The following GRM5 variants were observed in gnomAD, a reference collection of about 807,000 sequenced individuals.
GRM5 encodes the protein glutamate metabotropic receptor 5.
A neutral mutation model predicts 83.1 loss-of-function variants in GRM5; 19 were observed. The observed-to-expected ratio is 0.23, with a 90% CI of 0.16 to 0.34. The LOEUF (loss-of-function observed/expected upper bound fraction) is 0.34, where lower values mean the gene tolerates loss of function less well. GRM5 is among the 10% of genes least tolerant of loss of function. The probability of loss-of-function intolerance (pLI) is 1.00; values close to 1 mark genes in which losing one functional copy is unlikely to be tolerated. For synonymous variants in GRM5, 675 were observed against 633.6 expected (o/e 1.07, Z -0.98); for missense variants, 1,160 against 1,588.3 (o/e 0.73, Z 4.58).
At chr11:89,021,398 C>T (rs1277755106) in intron 2 of GRM5, among the ~76,000 whole-genome samples, 1 of 152,136 alleles carries the variant, frequency 6.6e-6, no homozygotes, top group Non-Finnish European at 1.5e-5. Context: ...TAACTGCTTC[C>T]TTAATCCTAT....
At chr11:88,537,195 G>T (rs540654311) in intron 8 of GRM5, among the ~76,000 whole-genome samples, 18 of 152,144 alleles carry the variant, frequency 1.2e-4, no homozygotes, top group Non-Finnish European at 2.5e-4. Context: ...ACTTAGTGGA[G>T]CTAGGCTTTG....
At chr11:89,039,757 T>A (rs1436405803) in intron 2 of GRM5, among the ~76,000 whole-genome samples, 2 of 152,300 alleles carry the variant, frequency 1.3e-5, no homozygotes, top group Admixed American at 6.5e-5. Context: ...TCTGAGGATA[T>A]GATTTCAAAT....
chr11:88,929,571 G>A (rs1937642556), intron 2 of GRM5, among the ~76,000 whole-genome samples: 1 of 151,992 alleles, frequency 6.6e-6, no homozygotes, highest in East Asian at 1.9e-4. Context: ...AACAGAATTT[G>A]GGTTTCTTAA....
At chr11:88,953,255 A>C (rs1436161545) in intron 2 of GRM5, among the ~76,000 whole-genome samples, 1 of 152,076 alleles carries the variant, frequency 6.6e-6, no homozygotes, top group Non-Finnish European at 1.5e-5. Context: ...TTAAAAATTC[A>C]TGCATTCATT....
chr11:88,946,747 T>C (rs1239608989), intron 2 of GRM5, among the ~76,000 whole-genome samples: 3 of 152,102 alleles, frequency 2.0e-5, no homozygotes, highest in Admixed American at 1.3e-4. Context: ...TCAATTATTT[T>C]AGAGACCAAA....
chr11:88,823,630 A>T (rs1012004843), intron 3 of GRM5, among the ~76,000 whole-genome samples: 1 of 152,104 alleles, frequency 6.6e-6, no homozygotes, highest in Non-Finnish European at 1.5e-5. Context: ...CTGATCACCC[A>T]TGTTGAGCTG....
At chr11:88,906,597 A>G (rs1362802194) in intron 2 of GRM5, among the ~76,000 whole-genome samples, 1 of 152,226 alleles carries the variant, frequency 6.6e-6, no homozygotes, top group Non-Finnish European at 1.5e-5. Flanking sequence ...GTTTTGGAAA[A>G]TACATATATG....
At chr11:88,734,464 A>G (rs776048937) in intron 3 of GRM5, among the ~76,000 whole-genome samples, 4 of 152,064 alleles carry the variant, frequency 2.6e-5, no homozygotes, top group Non-Finnish European at 5.9e-5. Context: ...ATCTAAAAGC[A>G]TTGTAAGGAA....
At chr11:88,948,473 T>C (rs1169213116) in intron 2 of GRM5, among the ~76,000 whole-genome samples, 1 of 152,190 alleles carries the variant, frequency 6.6e-6, no homozygotes. Flanking sequence ...AATGAAATGG[T>C]CACATTATAT....
Position 88,728,072 on chromosome 11 carries a change from A to C in GRM5, c.912-74669T>G, listed in dbSNP as rs983482293. On this transcript the variant is annotated intron_variant, in intron 3 of 9. Transcript: ENST00000305447. Reference sequence around the variant, plus strand: ...AGAGACATGAAAAACCCTTCAAAAAAATCAGCGAATCCAGGAGCTGGTTTT... The same window carrying C: ...AGAGACATGAAAAACCCTTCAAAAACATCAGCGAATCCAGGAGCTGGTTTT... Among the ~76,000 whole-genome samples, 8 of 152,270 alleles carry C rather than the reference A, an allele frequency of 5.3e-5. No homozygotes were observed. The East Asian group carries it at 1.2e-3, about 22-fold the overall frequency.
chr11:88,805,190 T>TTTTA (rs1319996096), intron 3 of GRM5, among the ~76,000 whole-genome samples: 3 of 152,036 alleles, frequency 2.0e-5, no homozygotes, highest in African/African-American at 4.8e-5. Flanking sequence ...TTTTAATTTA[T>TTTTA]TTTATTTATT....
At chr11:88,930,254 A>T (rs1434188921) in intron 2 of GRM5, among the ~76,000 whole-genome samples, 5 of 78,474 alleles carry the variant, frequency 6.4e-5, no homozygotes, top group Non-Finnish European at 1.8e-4. Context: ...ACCAAAATTA[A>T]AAAAAAAAAA....
At chr11:88,871,375 G>C (rs1944764637) in intron 2 of GRM5, among the ~76,000 whole-genome samples, 2 of 151,604 alleles carry the variant, frequency 1.3e-5, no homozygotes, top group East Asian at 3.9e-4. Flanking sequence ...AGAGGTCACT[G>C]GAAATAGAGG....
At chr11:88,543,608 C>T (rs1267586675) in intron 8 of GRM5, among the ~76,000 whole-genome samples, 1 of 148,202 alleles carries the variant, frequency 6.7e-6, no homozygotes, top group Non-Finnish European at 1.5e-5. Flanking sequence ...AAACCCACAA[C>T]CAGGACCCAT....
At chr11:88,664,711 T>C (rs1939995847) in intron 3 of GRM5, among the ~76,000 whole-genome samples, 1 of 152,140 alleles carries the variant, frequency 6.6e-6, no homozygotes, top group African/African-American at 2.4e-5. Flanking sequence ...CCTCCCAAAG[T>C]GCTGGGATTA....
chr11:88,760,774 AT>A (rs1377267618), intron 3 of GRM5, among the ~76,000 whole-genome samples: 1 of 152,154 alleles, frequency 6.6e-6, no homozygotes, highest in East Asian at 1.9e-4. Context: ...CTTCAGGCCA[AT>A]ACCCTTCATG....
intron 4 of GRM5, among the ~76,000 whole-genome samples, chr11:88,646,242 T>G (rs1939441250): frequency 6.6e-6 from 1 of 152,090 alleles, no homozygotes; most frequent in Non-Finnish European, 1.5e-5. Context: ...ACTTAATTAT[T>G]TGTAGCTTAC....
chr11:88,760,443 A>T (rs1591494666), intron 3 of GRM5, among the ~76,000 whole-genome samples: 1 of 152,188 alleles, frequency 6.6e-6, no homozygotes, highest in Non-Finnish European at 1.5e-5. Flanking sequence ...CTATGCACAC[A>T]AACTAGAAAA....
At chr11:88,716,090 C>A (rs72962538) in intron 3 of GRM5, among the ~76,000 whole-genome samples, 6,771 of 151,852 alleles carry the variant, frequency 0.045, 155 homozygotes, top group Middle Eastern at 0.071. Flanking sequence ...GCCAACAGAG[C>A]ATTAAGGCAA....
Sources: gnomAD v4.1 joint callset for allele counts (sites outside exome capture counted in the v4.1 genomes callset) on GRCh38, gnomAD v4.1.1 for gene constraint, MANE v1.5 for transcripts, NCBI Gene and HGNC (gene_info 2026-07-23, HGNC 2026-07-21) for gene names.